DNAH12: variants seen among roughly 807,000 people sequenced by gnomAD.
DNAH12 encodes dynein axonemal heavy chain 12.
A neutral mutation model predicts 371.5 loss-of-function variants in DNAH12; 285 were observed. That is an observed-to-expected ratio of 0.77 (90% CI 0.70 to 0.85). DNAH12 has a LOEUF of 0.85. Among genes scored for constraint, DNAH12 ranks in the 40% least tolerant of loss-of-function variants. DNAH12 has a pLI of 0.00. For missense variants in DNAH12, 3,611 were observed against 3,689.4 expected, an observed-to-expected ratio of 0.98 and a Z score of 0.55; for synonymous variants, 1,200 against 1,213.0, an observed-to-expected ratio of 0.99 and a Z score of 0.22.
intron 51 of DNAH12, among the ~76,000 whole-genome samples, chr3:57,379,842 C>CAAAAAAAAAAAAAAAA (rs1170490495): frequency 4.5e-5 from 1 of 22,378 alleles, no homozygotes; most frequent in Non-Finnish European, 9.4e-5. Context: ...CTCTGTCTCC[C>CAAAAAAAAAAAAAAAA]AAAAAAAAAA....
Position 57,334,387 on chromosome 3 carries a change from A to C in DNAH12, c.9978+78T>G, listed in dbSNP as rs141639924. 2.2e-4 allele frequency: 306 copies of C among 1,387,016 alleles called. 1 individual carries two copies. In the African/African-American group the frequency reaches 4.0e-3, roughly 18 times the overall value. The allele number at this position is 1,387,016 out of a possible 1,614,324, so 85.9% of individuals were successfully genotyped here. On this transcript the variant is annotated intron_variant, in intron 62 of 73. Transcript: ENST00000495027. ...AATCAATCTGAGAGTTAAAGAATCA[A>C]ATAACAAGAACTTTAAGCCTAGCAC...
At chr3:57,394,514 C>G (rs1260569005) in intron 43 of DNAH12, among the ~76,000 whole-genome samples, 182 bp from the exon 44 acceptor site, 1 of 152,194 alleles carries the variant, frequency 6.6e-6, no homozygotes, top group Non-Finnish European at 1.5e-5. Flanking sequence ...GAGATCCAAA[C>G]TGGTCAGAGT....
chr3:57,473,830 G>A (rs183611732), intron 13 of DNAH12, among the ~76,000 whole-genome samples: 6 of 151,916 alleles, frequency 3.9e-5, no homozygotes, highest in Admixed American at 2.0e-4. Context: ...AAAGCAATCC[G>A]TGTAATTCGT....
chr3:57,383,752 C>T (rs1389949434), intron 49 of DNAH12, among the ~76,000 whole-genome samples: 1 of 136,458 alleles, frequency 7.3e-6, no homozygotes, highest in Non-Finnish European at 1.5e-5. Context: ...AGAGTGAGAC[C>T]CTGTCTTAAA....
At chr3:57,302,965 G>T (rs531293507) in intron 69 of DNAH12, among the ~76,000 whole-genome samples, 4 of 152,080 alleles carry the variant, frequency 2.6e-5, no homozygotes, top group Admixed American at 2.6e-4. Context: ...ATAGTTAACA[G>T]ATGGATGAGA....
At chr3:57,434,590 T>C in intron 30 of DNAH12, among the ~76,000 whole-genome samples, 1 of 152,120 alleles carries the variant, frequency 6.6e-6, no homozygotes, top group Non-Finnish European at 1.5e-5. Context: ...ATTCTTGCCA[T>C]AATAATAATA....
intron 55 of DNAH12, among the ~76,000 whole-genome samples, chr3:57,374,667 G>A (rs1262788818): frequency 1.3e-5 from 2 of 151,996 alleles, no homozygotes; most frequent in African/African-American, 4.8e-5. Context: ...ATCAGTAGGA[G>A]AATACATAAA....
At chr3:57,454,119 C>A (rs2065836080) in intron 23 of DNAH12, among the ~76,000 whole-genome samples, 1 of 151,766 alleles carries the variant, frequency 6.6e-6, no homozygotes, top group Non-Finnish European at 1.5e-5. Flanking sequence ...TAAACACACA[C>A]ACACACATAC....
intron 49 of DNAH12, 55 bp downstream of exon 49, chr3:57,384,774 C>CAT (rs1175752591): frequency 6.6e-6 from 1 of 152,230 alleles, no homozygotes; most frequent in African/African-American, 2.4e-5. Context: ...GCCAAATACC[C>CAT]ATATTCAGCT....
chr3:57,365,125 T>C (rs909791152), intron 57 of DNAH12, among the ~76,000 whole-genome samples: 1 of 152,206 alleles, frequency 6.6e-6, no homozygotes, highest in South Asian at 2.1e-4. Flanking sequence ...ACCAAAGGAA[T>C]AGAAATCATT....
intron 65 of DNAH12, among the ~76,000 whole-genome samples, chr3:57,316,739 TGGTTTTATAAGTGTTTGGAAGTTCTTCC>T (rs2061693514): frequency 6.6e-6 from 1 of 152,168 alleles, no homozygotes; most frequent in Non-Finnish European, 1.5e-5. Flanking sequence ...CGAGATCCGA[TGGTTTTATAAGTGTTTGGAAGTTCTTCC>T]TTTGCTGTTC....
intron 58 of DNAH12, among the ~76,000 whole-genome samples, chr3:57,359,577 A>AAAAAAAG (rs1553663715): frequency 6.9e-6 from 1 of 145,136 alleles, no homozygotes; most frequent in Non-Finnish European, 1.5e-5. Flanking sequence ...AAAAAAAAAA[A>AAAAAAAG]AAAGAAAGAA....
chr3:57,517,518 A>G (rs2068240952), intron 4 of DNAH12, among the ~76,000 whole-genome samples: 1 of 152,170 alleles, frequency 6.6e-6, no homozygotes, highest in African/African-American at 2.4e-5. Context: ...GAATAAAATT[A>G]TTATATGACT....
chr3:57,445,044 A>G, intron 28 of DNAH12, 130 bp downstream of exon 28: 1 of 1,217,546 alleles, frequency 8.2e-7, no homozygotes, highest in Non-Finnish European at 1.1e-6. Flanking sequence ...CCAAAAAACC[A>G]TCATTTCAAC....
In DNAH12 at chr3:57,413,828, C is replaced by T. The variant is rs1337119262; in HGVS notation, c.5938G>A (p.Asp1980Asn). The T allele has an allele frequency of 3.9e-6, 6 of 1,551,088 alleles. No homozygotes were observed. The Admixed American group carries it at 5.9e-5, about 15-fold the overall frequency. Residue 1980 changes from aspartate to asparagine, a missense_variant, in exon 39 of 74, where the codon GAT becomes AAT. Physicochemically the swap from Asp to Asn is conservative, Grantham distance 23. Coordinates refer to ENST00000495027, the MANE Select transcript of DNAH12 (RefSeq NM_001366028.2). ...TTCTCCAATGCAGGCATATTCATATCATCTATAAAAATTATACACTTCTTT... is the reference window on the plus strand; with the variant it reads ...TTCTCCAATGCAGGCATATTCATATTATCTATAAAAATTATACACTTCTTT... ...MGKKCIIFID[D>N]MNMPALEKYG...
At chr3:57,463,280 G>GA (rs373199007) in intron 17 of DNAH12, among the ~76,000 whole-genome samples, 1,715 of 136,302 alleles carry the variant, frequency 0.013, 22 homozygotes, top group African/African-American at 0.043. Context: ...TCTCTATTTA[G>GA]AAAAAAAAAA....
chr3:57,345,977 C>T (rs1036647816), intron 60 of DNAH12, among the ~76,000 whole-genome samples: 1 of 151,992 alleles, frequency 6.6e-6, no homozygotes, highest in South Asian at 2.1e-4. Context: ...TATAAGTGGA[C>T]TGCTGCAGTT....
At chr3:57,396,301 A>AAC (rs1553676635) in intron 43 of DNAH12, among the ~76,000 whole-genome samples, 5 of 150,228 alleles carry the variant, frequency 3.3e-5, no homozygotes, top group Non-Finnish European at 5.9e-5. Context: ...AAAAAAAAAA[A>AAC]AAAAAAAAAG....
chr3:57,397,749 A>G (rs1188594506), intron 43 of DNAH12, among the ~76,000 whole-genome samples: 2 of 152,192 alleles, frequency 1.3e-5, no homozygotes, highest in Non-Finnish European at 2.9e-5. Flanking sequence ...CTCAAAGAAG[A>G]CACGTCCCCA....
Sources: gnomAD v4.1 joint callset for allele counts (sites outside exome capture counted in the v4.1 genomes callset) on GRCh38, gnomAD v4.1.1 for gene constraint, MANE v1.5 for transcripts, NCBI Gene and HGNC (gene_info 2026-07-23, HGNC 2026-07-21) for gene names.